Variants in CCNB3 observed in about 807,000 individuals in gnomAD.
CCNB3 encodes G2/mitotic-specific cyclin-B3.
A neutral mutation model predicts 68.0 loss-of-function variants in CCNB3; 12 were observed. That is an observed-to-expected ratio of 0.18 (90% CI 0.11 to 0.29). CCNB3 has a LOEUF of 0.29. Among genes scored for constraint, CCNB3 ranks in the 10% least tolerant of loss-of-function variants. CCNB3 has a pLI of 1.00. For missense variants in CCNB3, 904 were observed against 993.1 expected, an observed-to-expected ratio of 0.91 and a Z score of 1.21; for synonymous variants, 354 against 388.9, an observed-to-expected ratio of 0.91 and a Z score of 1.06.
At chrX:50,300,119 T>C (rs962786443) in intron 5 of CCNB3, among the ~76,000 whole-genome samples, 3 of 111,742 alleles carry the variant, frequency 2.7e-5, no homozygotes, top group Non-Finnish European at 5.6e-5. Context: ...AATTGGAGCA[T>C]TTACCCCATT....
In CCNB3 at chrX:50,322,031, T is replaced by C. The variant is rs1350318673; in HGVS notation, c.3516+8083T>C. Among the ~76,000 whole-genome samples the C allele has an allele frequency of 2.8e-5, 3 of 108,975 alleles. No homozygotes were observed. In the East Asian group the frequency reaches 8.6e-4, roughly 31 times the overall value. The allele number at this position is 108,975 out of a possible 115,157, so 94.6% of individuals were successfully genotyped here. On this transcript the variant is annotated intron_variant, in intron 8 of 12. Transcript: ENST00000376042. ...GTGTTATCCTTTTTCCCTTTTAAAA[T>C]TTATTGCTAGTTTTTTTTTTTTGGT... is the stretch of plus-strand genomic sequence containing the variant.
intron 8 of CCNB3, among the ~76,000 whole-genome samples, chrX:50,340,289 A>G (rs1923060048): frequency 8.9e-6 from 1 of 111,806 alleles, no homozygotes; most frequent in East Asian, 2.8e-4. Flanking sequence ...ATAAGGGAGA[A>G]TTTTCTGTTA....
chrX:50,315,616 G>C (rs996867387), intron 8 of CCNB3, among the ~76,000 whole-genome samples: 1 of 111,037 alleles, frequency 9.0e-6, no homozygotes, highest in Admixed American at 9.6e-5. Context: ...CTCATTTGGG[G>C]GTGTGTATAG....
intron 5 of CCNB3, among the ~76,000 whole-genome samples, chrX:50,301,203 A>T (rs1423762954): frequency 9.0e-6 from 1 of 110,778 alleles, no homozygotes; most frequent in African/African-American, 3.3e-5. Context: ...GGAGGAGGAG[A>T]GGCGCTCTGA....
chrX:50,206,533 C>T (rs1160596600), intron 1 of CCNB3, among the ~76,000 whole-genome samples: 1 of 103,601 alleles, frequency 9.7e-6, no homozygotes, highest in Non-Finnish European at 2.0e-5. Flanking sequence ...TGCAGTGAGC[C>T]GAGATCATGC....
chrX:50,340,022 A>G (rs542396603), intron 8 of CCNB3, among the ~76,000 whole-genome samples: 1 of 112,105 alleles, frequency 8.9e-6, no homozygotes, highest in South Asian at 3.8e-4. Flanking sequence ...TTCTGAGTAG[A>G]TCCAAGGCCA....
intron 8 of CCNB3, among the ~76,000 whole-genome samples, chrX:50,321,066 A>C (rs1313874611): frequency 1.8e-5 from 2 of 111,400 alleles, no homozygotes; most frequent in Non-Finnish European, 3.8e-5. Context: ...TAACAATTTT[A>C]CTATTGTTTC....
intron 8 of CCNB3, among the ~76,000 whole-genome samples, chrX:50,323,112 A>G (rs1922112807): frequency 8.9e-6 from 1 of 111,821 alleles, no homozygotes; most frequent in African/African-American, 3.2e-5. Context: ...ATAAAGACAC[A>G]TGCACATGTA....
chrX:50,317,878 A>G (rs1921816947), intron 8 of CCNB3, among the ~76,000 whole-genome samples: 1 of 110,912 alleles, frequency 9.0e-6, no homozygotes, highest in Admixed American at 9.7e-5. Context: ...CTTCTTTCCT[A>G]TATTTTATCT....
intron 4 of CCNB3, among the ~76,000 whole-genome samples, chrX:50,293,640 C>T (rs1479345209): frequency 4.5e-5 from 5 of 111,447 alleles, no homozygotes; most frequent in Admixed American, 2.9e-4. Context: ...CCAAGAACAT[C>T]AACACATTTA....
intron 8 of CCNB3, chrX:50,341,659 AAG>A (rs781984250): frequency 0.016 from 1,814 of 111,394 alleles, 28 homozygotes; most frequent in Non-Finnish European, 0.025. Flanking sequence ...AGAAAAGAAA[AAG>A]AAGGGAAGGA....
At chrX:50,317,633 G>T (rs1921800248) in intron 8 of CCNB3, among the ~76,000 whole-genome samples, 1 of 109,974 alleles carries the variant, frequency 9.1e-6, no homozygotes, top group Admixed American at 9.8e-5. Flanking sequence ...GCAATGGTGT[G>T]GTCTCAGCTT....
At chrX:50,288,215 G>A (rs782255250) in intron 3 of CCNB3, among the ~76,000 whole-genome samples, 5 of 110,091 alleles carry the variant, frequency 4.5e-5, no homozygotes, top group African/African-American at 9.9e-5. Flanking sequence ...CCCAGTGTCC[G>A]TGGAAAATTT....
chrX:50,315,905 C>T (rs1921705044), intron 8 of CCNB3, among the ~76,000 whole-genome samples: 1 of 111,532 alleles, frequency 9.0e-6, no homozygotes, highest in Admixed American at 9.5e-5. Context: ...ACCGTAATTC[C>T]CTTGAGATCC....
In CCNB3 at chrX:50,309,417, G is replaced by A; in HGVS notation, c.1248G>A (p.Lys416=). The change falls in exon 6 of 13, where the codon AAG becomes AAA. Residue 416 remains lysine, a synonymous_variant. Coordinates refer to ENST00000376042, the MANE Select transcript of CCNB3 (RefSeq NM_033031.3). The part of the protein sequence containing the change: ...ITSGEKSLIM[K]PLSIKEKPST... ...CTGGAGAGAAGTCGCTCATTATGAAGCCATTGTCCATTAAAGAAAAGCCAT... is the reference window on the plus strand; with the variant it reads ...CTGGAGAGAAGTCGCTCATTATGAAACCATTGTCCATTAAAGAAAAGCCAT... 8.3e-7 allele frequency: 1 copy of A among 1,211,484 alleles called. No individual in the cohort carries two copies. The highest frequency in any genetic ancestry group is 1.8e-5 in the South Asian group (1 of 56,930).
chrX:50,284,040 A>C (rs916789617), intron 1 of CCNB3, among the ~76,000 whole-genome samples: 1 of 110,949 alleles, frequency 9.0e-6, no homozygotes, highest in African/African-American at 3.3e-5. Flanking sequence ...CCTCTATCAA[A>C]ATACTTCAGG....
At position 50,351,369 on chromosome X, in the gene CCNB3, C is replaced by A; in HGVS notation, c.4089C>A (p.His1363Gln). ...AGGCTGTGTATTACAAGTATTCTCA[C>A]CCGTAAGTACTAAGCCCCGGATGAG... Reference protein sequence around the residue: ...SLKAVYYKYSHPVFFEVAKIP... With the variant: ...SLKAVYYKYSQPVFFEVAKIP... The change falls in exon 12 of 13, where the codon CAC (histidine) becomes CAA (glutamine). Residue 1363 changes from histidine (H) to glutamine (Q), a missense_variant and splice_region_variant. Coordinates refer to ENST00000376042, the MANE Select transcript of CCNB3 (RefSeq NM_033031.3). 1 of 1,210,736 alleles carries A rather than the reference C, an allele frequency of 8.3e-7. No homozygotes were observed. The highest frequency in any genetic ancestry group is 1.1e-6 in the Non-Finnish European group (1 of 895,090).
intron 1 of CCNB3, among the ~76,000 whole-genome samples, chrX:50,211,583 G>A (rs1250729634): frequency 7.2e-5 from 8 of 111,225 alleles, no homozygotes; most frequent in Non-Finnish European, 1.3e-4. Flanking sequence ...AGGAGCCTGA[G>A]GTGGGAGGAT....
At chrX:50,302,391 C>T (rs1448889771) in intron 5 of CCNB3, among the ~76,000 whole-genome samples, 1 of 111,791 alleles carries the variant, frequency 8.9e-6, no homozygotes, top group Non-Finnish European at 1.9e-5. Context: ...GTAATAGCTG[C>T]CATTTACTGA....
Sources: allele counts gnomAD v4.1 joint callset (sites outside exome capture counted in the v4.1 genomes callset), GRCh38; gene constraint gnomAD v4.1.1; transcripts MANE v1.5; gene names NCBI Gene and HGNC (gene_info 2026-07-23, HGNC 2026-07-21).